The following IL1RAPL2 variants were observed in gnomAD, a reference collection of about 807,000 sequenced individuals.
IL1RAPL2 encodes the protein X-linked interleukin-1 receptor accessory protein-like 2.
A neutral mutation model predicts 44.1 loss-of-function variants in IL1RAPL2; 3 were observed. That is an observed-to-expected ratio of 0.07 (90% CI 0.03 to 0.18). The LOEUF (loss-of-function observed/expected upper bound fraction) is 0.18. Among genes scored for constraint, IL1RAPL2 ranks in the 10% least tolerant of loss-of-function variants. The pLI is 1.00. For missense variants in IL1RAPL2, 391 were observed against 496.4 expected (o/e 0.79, Z 2.02); for synonymous variants, 181 against 178.8 (o/e 1.01, Z -0.10).
chrX:104,643,105 C>G (rs1929966516), intron 1 of IL1RAPL2, among the ~76,000 whole-genome samples: 1 of 112,008 alleles, frequency 8.9e-6, no homozygotes, highest in Non-Finnish European at 1.9e-5. Context: ...TGCAGGCTTT[C>G]TAACATTGAG....
chrX:105,294,218 G>A (rs1026535637), intron 5 of IL1RAPL2, among the ~76,000 whole-genome samples: 31 of 111,827 alleles, frequency 2.8e-4, no homozygotes, highest in African/African-American at 9.4e-4. Flanking sequence ...GTTAATAATC[G>A]GAGTGATTTC....
At chrX:105,250,039 T>C (rs1301725660) in intron 4 of IL1RAPL2, among the ~76,000 whole-genome samples, 2 of 110,609 alleles carry the variant, frequency 1.8e-5, no homozygotes, top group Admixed American at 1.9e-4. Context: ...AAAAATGATA[T>C]ATCAAATCAT....
At chrX:104,968,845 C>T (rs190802448) in intron 2 of IL1RAPL2, among the ~76,000 whole-genome samples, 468 of 110,938 alleles carry the variant, frequency 4.2e-3, no homozygotes, top group Non-Finnish European at 6.8e-3. Context: ...AGATAGTAGA[C>T]TTAAATAAAG....
intron 5 of IL1RAPL2, among the ~76,000 whole-genome samples, chrX:105,453,413 T>C (rs1203689142): frequency 1.8e-5 from 2 of 112,519 alleles, no homozygotes; most frequent in African/African-American, 3.2e-5. Flanking sequence ...ATCAGTCATC[T>C]GAGATTCATT....
chrX:105,352,612 T>C (rs1423454574), intron 5 of IL1RAPL2, among the ~76,000 whole-genome samples: 1 of 109,716 alleles, frequency 9.1e-6, no homozygotes, highest in Non-Finnish European at 1.9e-5. Context: ...GACTTTTTAA[T>C]GATCGCCATT....
chrX:104,973,395 T>A (rs915630215), intron 2 of IL1RAPL2, among the ~76,000 whole-genome samples: 2 of 111,516 alleles, frequency 1.8e-5, no homozygotes, highest in African/African-American at 6.5e-5. Context: ...AAAAATGAGA[T>A]TATATCAAGA....
chrX:104,771,403 A>C (rs180813535), intron 2 of IL1RAPL2, among the ~76,000 whole-genome samples: 15 of 112,402 alleles, frequency 1.3e-4, no homozygotes, highest in Non-Finnish European at 2.1e-4. Context: ...CTGATAACTC[A>C]ATTAGCCTGT....
intron 7 of IL1RAPL2, among the ~76,000 whole-genome samples, chrX:105,729,576 T>G: frequency 9.0e-6 from 1 of 110,866 alleles, no homozygotes; most frequent in Non-Finnish European, 1.9e-5. Flanking sequence ...TTTTAAGAGG[T>G]TTTTGTGAAT....
At chrX:104,601,781 C>T (rs1928887627) in intron 1 of IL1RAPL2, among the ~76,000 whole-genome samples, 1 of 112,155 alleles carries the variant, frequency 8.9e-6, no homozygotes, top group African/African-American at 3.2e-5. Context: ...TGCTTATACA[C>T]TGTTGGTGAG....
intron 5 of IL1RAPL2, among the ~76,000 whole-genome samples, chrX:105,440,337 T>C (rs1301437245): frequency 8.9e-6 from 1 of 112,360 alleles, no homozygotes; most frequent in African/African-American, 3.2e-5. Flanking sequence ...TTTAACTATA[T>C]TAATAGTTTT....
chrX:105,703,417 C>G (rs910172388), intron 6 of IL1RAPL2, among the ~76,000 whole-genome samples: 1 of 109,909 alleles, frequency 9.1e-6, no homozygotes, highest in Non-Finnish European at 1.9e-5. Flanking sequence ...CAAAAGTCTA[C>G]AGAAAAAAAA....
At chrX:105,510,610 G>C (rs1356083793) in intron 6 of IL1RAPL2, among the ~76,000 whole-genome samples, 1 of 111,497 alleles carries the variant, frequency 9.0e-6, no homozygotes, top group Non-Finnish European at 1.9e-5. Flanking sequence ...GAATTACCTT[G>C]TGTTATCTGA....
At chrX:105,460,539 G>A (rs777698776) in intron 5 of IL1RAPL2, among the ~76,000 whole-genome samples, 4 of 110,592 alleles carry the variant, frequency 3.6e-5, no homozygotes, top group South Asian at 3.8e-4. Context: ...ACATAAGCAC[G>A]TAAATAATGG....
At chrX:105,277,898 C>T (rs2147661887) in intron 5 of IL1RAPL2, among the ~76,000 whole-genome samples, 1 of 110,716 alleles carries the variant, frequency 9.0e-6, no homozygotes, top group Admixed American at 9.6e-5. Context: ...TTTTTTCCTT[C>T]TTCTGCATTT....
At chrX:105,454,272 A>G (rs1382195119) in intron 5 of IL1RAPL2, among the ~76,000 whole-genome samples, 1 of 111,947 alleles carries the variant, frequency 8.9e-6, no homozygotes, top group East Asian at 2.8e-4. Flanking sequence ...CTCCAGAGAC[A>G]GAACTAATGC....
chrX:104,835,580 C>T (rs1921721571), intron 2 of IL1RAPL2, among the ~76,000 whole-genome samples: 1 of 111,126 alleles, frequency 9.0e-6, no homozygotes, highest in African/African-American at 3.3e-5. Flanking sequence ...CCTAATACTC[C>T]CAGTTCCTCA....
intron 6 of IL1RAPL2, among the ~76,000 whole-genome samples, chrX:105,502,151 A>G (rs1244954774): frequency 8.9e-6 from 1 of 112,320 alleles, no homozygotes; most frequent in East Asian, 2.8e-4. Context: ...CTATTCAATT[A>G]TTGTATAATT....
Position 104,964,412 on chromosome X carries a change from C to T in IL1RAPL2, c.83-231063C>T, listed in dbSNP as rs1311002357. Among the ~76,000 whole-genome samples, 12 of 107,534 alleles carry T rather than the reference C, an allele frequency of 1.1e-4. No homozygotes were observed. In the Admixed American group the frequency reaches 1.2e-3, roughly 11 times the overall value. 93.4% of individuals were successfully genotyped at this position (107,534 alleles called of 115,157 possible). A position where few individuals can be genotyped will look rare whatever the true frequency, so the allele number is the denominator to read the frequency against. ...CTGCAAGCTCCACCTCCTGGGTTCA[C>T]GCCATTCTCCTGCCTCAGCCTCCCG... On this transcript the variant is annotated intron_variant, in intron 2 of 10. Coordinates refer to ENST00000372582, the MANE Select transcript of IL1RAPL2 (RefSeq NM_017416.2).
intron 7 of IL1RAPL2, 82 bp downstream of exon 7, chrX:105,717,578 C>T: frequency 1.0e-6 from 1 of 963,431 alleles, no homozygotes; most frequent in Admixed American, 2.7e-5. Flanking sequence ...CAAATCATTC[C>T]ATTCTCTAAA....
Sources: gnomAD v4.1 joint callset for allele counts (sites outside exome capture counted in the v4.1 genomes callset) on GRCh38, gnomAD v4.1.1 for gene constraint, MANE v1.5 for transcripts, NCBI Gene and HGNC (gene_info 2026-07-23, HGNC 2026-07-21) for gene names.